AP3B1: variants seen among roughly 807,000 people sequenced by gnomAD.
AP3B1 encodes adaptor related protein complex 3 subunit beta 1, also known as AP-3 complex subunit beta-1.
Under a neutral mutation model 132.5 loss-of-function variants are expected in AP3B1, and 61 were observed. That is an observed-to-expected ratio of 0.46 (90% CI 0.37 to 0.57). The LOEUF is 0.57. AP3B1 is among the 20% of genes least tolerant of loss of function. The probability of loss-of-function intolerance (pLI) is 0.00; values close to 1 mark genes in which losing one functional copy is unlikely to be tolerated. For missense variants in AP3B1, 1,120 were observed against 1,289.4 expected, an observed-to-expected ratio of 0.87 and a Z score of 2.01; for synonymous variants, 388 against 438.3, an observed-to-expected ratio of 0.89 and a Z score of 1.43.
chr5:78,110,505 A>T, intron 19 of AP3B1, 151 bp from the exon 20 acceptor site: 1 of 599,286 alleles, frequency 1.7e-6, no homozygotes. Context: ...ATTCAAATTC[A>T]ATTCTATCCT....
At chr5:78,212,275 T>C (rs931567713) in intron 7 of AP3B1, among the ~76,000 whole-genome samples, 9 of 152,078 alleles carry the variant, frequency 5.9e-5, no homozygotes, top group South Asian at 2.1e-4. Flanking sequence ...AGACAGACTC[T>C]ATCCCAAAAA....
intron 7 of AP3B1, among the ~76,000 whole-genome samples, chr5:78,193,740 TTTTTTA>T (rs1438406836): frequency 9.6e-5 from 4 of 41,724 alleles, no homozygotes; most frequent in Admixed American, 6.9e-4. Flanking sequence ...TTGTATATAT[TTTTTTA>T]TATATATATA....
At chr5:78,068,861 A>C (rs933876430) in intron 22 of AP3B1, among the ~76,000 whole-genome samples, 22 of 152,194 alleles carry the variant, frequency 1.4e-4, no homozygotes, top group African/African-American at 5.1e-4. Context: ...TCCTCAATTA[A>C]ATACTGGCAA....
intron 26 of AP3B1, 136 bp downstream of exon 26, chr5:78,015,274 A>G: frequency 1.1e-6 from 1 of 923,608 alleles, no homozygotes; most frequent in Non-Finnish European, 1.6e-6. Context: ...CTATACCATC[A>G]GAAAAAAAAG....
chr5:78,054,964 A>G (rs1253364967), intron 22 of AP3B1, among the ~76,000 whole-genome samples: 1 of 151,758 alleles, frequency 6.6e-6, no homozygotes, highest in Non-Finnish European at 1.5e-5. Flanking sequence ...ATGCAGGGAA[A>G]GGATGGGGAA....
intron 21 of AP3B1, among the ~76,000 whole-genome samples, chr5:78,090,147 A>G (rs1750449717): frequency 6.6e-6 from 1 of 152,334 alleles, no homozygotes; most frequent in East Asian, 1.9e-4. Flanking sequence ...CAACTCCTCA[A>G]TTAAGTTCAC....
chr5:78,016,327 A>C (rs557357018), intron 25 of AP3B1, among the ~76,000 whole-genome samples: 58 of 152,204 alleles, frequency 3.8e-4, no homozygotes, highest in Non-Finnish European at 7.5e-4. Context: ...TAATATCCAG[A>C]CCTCCTGTAA....
chr5:78,097,655 G>A (rs1442455473), intron 21 of AP3B1, among the ~76,000 whole-genome samples: 1 of 89,684 alleles, frequency 1.1e-5, no homozygotes, highest in Non-Finnish European at 2.9e-5. Context: ...GGAGGGAGGT[G>A]GGGGGGTCAG....
At chr5:78,138,130 A>T (rs1374205058) in intron 15 of AP3B1, among the ~76,000 whole-genome samples, 1 of 152,208 alleles carries the variant, frequency 6.6e-6, no homozygotes, top group African/African-American at 2.4e-5. Flanking sequence ...CACAAATTTT[A>T]AAAATTCTAT....
intron 14 of AP3B1, among the ~76,000 whole-genome samples, chr5:78,155,982 G>A (rs1358229996): frequency 6.6e-6 from 1 of 152,070 alleles, no homozygotes; most frequent in Non-Finnish European, 1.5e-5. Flanking sequence ...TATGACACAT[G>A]AACATGCATA....
chr5:78,188,531 T>C (rs906031217), intron 7 of AP3B1, among the ~76,000 whole-genome samples: 2 of 152,144 alleles, frequency 1.3e-5, no homozygotes, highest in Non-Finnish European at 2.9e-5. Flanking sequence ...CACAATTAGA[T>C]ATCATTTCAT....
At chr5:78,022,774 G>A (rs914211186) in intron 24 of AP3B1, among the ~76,000 whole-genome samples, 5 of 152,068 alleles carry the variant, frequency 3.3e-5, no homozygotes, top group Non-Finnish European at 7.4e-5. Context: ...ACATCAGTTA[G>A]GAGTCTAAAT....
At chr5:78,160,761 G>T (rs531323418) in intron 13 of AP3B1, among the ~76,000 whole-genome samples, 1 of 152,062 alleles carries the variant, frequency 6.6e-6, no homozygotes, top group South Asian at 2.1e-4. Flanking sequence ...GGGCTCTATT[G>T]TCAGGGTGGC....
chr5:78,111,117 C>G (rs1239861253), intron 19 of AP3B1, among the ~76,000 whole-genome samples: 1 of 152,098 alleles, frequency 6.6e-6, no homozygotes, highest in African/African-American at 2.4e-5. Context: ...GTATTTTATA[C>G]ATTTTCTACC....
intron 7 of AP3B1, among the ~76,000 whole-genome samples, chr5:78,211,959 T>G (rs746824708): frequency 1.3e-5 from 2 of 152,240 alleles, no homozygotes; most frequent in Non-Finnish European, 2.9e-5. Flanking sequence ...ATAATTCTGA[T>G]TGCCCTATGG....
chr5:78,138,734 G>A (rs1284809315), intron 15 of AP3B1, among the ~76,000 whole-genome samples: 2 of 151,976 alleles, frequency 1.3e-5, no homozygotes, highest in Non-Finnish European at 2.9e-5. Context: ...CACTTTGGGA[G>A]GCCGAGGTGA....
intron 7 of AP3B1, among the ~76,000 whole-genome samples, chr5:78,188,107 T>TA (rs1474980320): frequency 2.6e-5 from 4 of 152,152 alleles, no homozygotes; most frequent in Non-Finnish European, 2.9e-5. Context: ...GACTTAAATG[T>TA]AAAACCCAAA....
At chr5:78,150,776 T>C (rs1753611538) in intron 14 of AP3B1, among the ~76,000 whole-genome samples, 1 of 150,604 alleles carries the variant, frequency 6.6e-6, no homozygotes, top group South Asian at 2.1e-4. Context: ...TATTTATTTA[T>C]TTTTTTTTTA....
chr5:78,014,708 C>T (rs748195039), intron 26 of AP3B1, among the ~76,000 whole-genome samples: 1 of 152,098 alleles, frequency 6.6e-6, no homozygotes, highest in Non-Finnish European at 1.5e-5. Context: ...TGGTTTGCAA[C>T]GAATTCCCTT....
Sources: gnomAD v4.1 joint callset for allele counts (sites outside exome capture counted in the v4.1 genomes callset) on GRCh38, gnomAD v4.1.1 for gene constraint, MANE v1.5 for transcripts, NCBI Gene and HGNC (gene_info 2026-07-23, HGNC 2026-07-21) for gene names.